CASD1: variants seen among roughly 807,000 people sequenced by gnomAD.
The protein encoded by CASD1 is CAS1 domain sialic acid O acetyltransferase 1.
In CASD1, 41 loss-of-function variants were observed where a neutral mutation model predicts 100.0. The ratio of observed to expected loss-of-function variants is 0.41; its 90% CI spans 0.32 to 0.53. The LOEUF is 0.53. Ranked by LOEUF, CASD1 falls within the 20% of genes least tolerant of loss-of-function variation. The pLI, the probability that CASD1 is intolerant of heterozygous loss-of-function variation, is 0.25. For missense variants in CASD1, 774 were observed against 948.7 expected (o/e 0.82, Z 2.42); for synonymous variants, 321 against 315.6 (o/e 1.02, Z -0.18).
the CASD1 span, among the ~76,000 whole-genome samples, chr7:94,602,683 T>G: frequency 1.3e-5 from 2 of 152,124 alleles, no homozygotes; most frequent in Non-Finnish European, 2.9e-5. Flanking sequence ...TGCAAACATA[T>G]GTAAAATATT....
the CASD1 span, among the ~76,000 whole-genome samples, chr7:94,609,045 T>G: frequency 6.6e-6 from 1 of 152,062 alleles, no homozygotes; most frequent in Non-Finnish European, 1.5e-5. Context: ...GCACAATCCA[T>G]GAAAGAAAGA....
chr7:94,537,362 G>C, intron 8 of CASD1, 110 bp from the exon 9 acceptor site: 1 of 930,736 alleles, frequency 1.1e-6, no homozygotes, highest in Non-Finnish European at 1.6e-6. Context: ...CAAAAGATAC[G>C]AAAGCATTCT....
chr7:94,625,371 CTTT>C, the CASD1 span: 1 of 151,262 alleles, frequency 6.6e-6, no homozygotes, highest in African/African-American at 2.4e-5. Flanking sequence ...TTTTTTTTAT[CTTT>C]TTACTATATT....
chr7:94,601,638 A>G, the CASD1 span, among the ~76,000 whole-genome samples: 2 of 152,102 alleles, frequency 1.3e-5, no homozygotes, highest in African/African-American at 4.8e-5. Context: ...GGGGAGAATT[A>G]GTTGCAGCAT....
chr7:94,600,799 A>G, the CASD1 span: 38 of 1,613,280 alleles, frequency 2.4e-5, no homozygotes, highest in Non-Finnish European at 1.0e-5. Flanking sequence ...ACCATCAGGT[A>G]AAATCCCCTC....
chr7:94,538,976 T>C lies in CASD1; in HGVS notation c.1276T>C (p.Leu426=). ...TGGTTCCTTTACACAGACTAAAGTA[T>C]TAAATAGAGAACAAACAGACGAATG... is the stretch of plus-strand genomic sequence containing the variant. ...YNENTKETKV[L]NREQTDEWKG... The change falls in exon 10 of 18, where the codon TTA becomes CTA. Residue 426 remains leucine, a synonymous_variant. Coordinates refer to ENST00000297273, the MANE Select transcript of CASD1 (RefSeq NM_022900.5). 6.3e-7 allele frequency: 1 copy of C among 1,595,542 alleles called. No homozygotes were observed. The highest frequency in any genetic ancestry group is 1.1e-5 in the South Asian group (1 of 90,332).
intron 1 of CASD1, among the ~76,000 whole-genome samples, chr7:94,512,937 G>A (rs1351992775): frequency 6.6e-6 from 1 of 152,204 alleles, no homozygotes; most frequent in African/African-American, 2.4e-5. Context: ...TCTGTCTCAT[G>A]CCTTATGTTA....
chr7:94,541,038 A>T (rs1325132134), intron 10 of CASD1, among the ~76,000 whole-genome samples: 1 of 152,066 alleles, frequency 6.6e-6, no homozygotes, highest in Non-Finnish European at 1.5e-5. Flanking sequence ...CTGCATCCTA[A>T]TATATTCTAA....
Position 94,555,589 on chromosome 7 carries a change from C to T in CASD1, c.2225C>T (p.Thr742Ile). Residue 742 changes from threonine (T) to isoleucine (I), a missense_variant, in exon 18 of 18, where the codon ACT becomes ATT. Thr to Ile is a moderately conservative substitution (Grantham distance 89). Coordinates refer to ENST00000297273, the MANE Select transcript of CASD1 (RefSeq NM_022900.5). ...CCTATGCTCAACATCATTGTCAGCACTTTCATATTTGTTTGTGTGGCACAT... is the reference window on the plus strand; with the variant it reads ...CCTATGCTCAACATCATTGTCAGCATTTTCATATTTGTTTGTGTGGCACAT... ...GNPMLNIIVS[T>I]FIFVCVAHEI... 1.2e-6 allele frequency: 2 copies of T among 1,613,554 alleles called. No individual in the cohort carries two copies. The highest frequency in any genetic ancestry group is 8.5e-7 in the Non-Finnish European group (1 of 1,179,670).
the CASD1 span, among the ~76,000 whole-genome samples, chr7:94,563,061 A>G: frequency 6.6e-6 from 1 of 152,152 alleles, no homozygotes; most frequent in African/African-American, 2.4e-5. Flanking sequence ...TCTTACATAC[A>G]AAGGCCTTTG....
At chr7:94,587,780 C>G in the CASD1 span, 1 of 1,547,580 alleles carries the variant, frequency 6.5e-7, no homozygotes. Flanking sequence ...ATACTTGCCT[C>G]AAATCTTTGA....
intron 8 of CASD1, among the ~76,000 whole-genome samples, chr7:94,536,127 C>T (rs1795106862): frequency 6.6e-6 from 1 of 152,094 alleles, no homozygotes; most frequent in East Asian, 1.9e-4. Flanking sequence ...CTTGTAATCC[C>T]AGCTACTCGG....
the CASD1 span, chr7:94,600,983 A>T: frequency 1.3e-6 from 1 of 788,892 alleles, no homozygotes; most frequent in South Asian, 1.5e-5. Flanking sequence ...CAATTACTTT[A>T]TCACCTCTTG....
the CASD1 span, among the ~76,000 whole-genome samples, chr7:94,569,889 C>G: frequency 6.6e-6 from 1 of 151,056 alleles, no homozygotes; most frequent in African/African-American, 2.4e-5. Flanking sequence ...TCTCGGCTCA[C>G]TGCAAGCTCT....
chr7:94,518,930 T>C (rs932675331), intron 3 of CASD1, among the ~76,000 whole-genome samples: 1 of 152,128 alleles, frequency 6.6e-6, no homozygotes, highest in Non-Finnish European at 1.5e-5. Flanking sequence ...TTTTAAATTA[T>C]TTCCTTAGGG....
chr7:94,627,917 T>TA, the CASD1 span: 607 of 356,978 alleles, frequency 1.7e-3, 3 homozygotes, highest in African/African-American at 0.012. Flanking sequence ...AGTCTACAAT[T>TA]ATTTTCTCAA....
downstream of CASD1, among the ~76,000 whole-genome samples, chr7:94,561,286 T>C (rs1305239699): frequency 1.3e-5 from 2 of 152,154 alleles, no homozygotes; most frequent in African/African-American, 4.8e-5. Flanking sequence ...AGAGCTCTTA[T>C]AGTTTAGAAA....
intron 9 of CASD1, among the ~76,000 whole-genome samples, chr7:94,538,717 G>T (rs1416872683): frequency 6.6e-6 from 1 of 151,598 alleles, no homozygotes; most frequent in Admixed American, 6.6e-5. Context: ...CAAAACCAAG[G>T]GGATCAACTT....
chr7:94,563,403 T>C, the CASD1 span, among the ~76,000 whole-genome samples: 1 of 152,292 alleles, frequency 6.6e-6, no homozygotes, highest in African/African-American at 2.4e-5. Context: ...GTTTGGTCAA[T>C]TAGAGAATGA....
Sources: allele counts gnomAD v4.1 joint callset (sites outside exome capture counted in the v4.1 genomes callset), GRCh38; gene constraint gnomAD v4.1.1; transcripts MANE v1.5; gene names NCBI Gene and HGNC (gene_info 2026-07-23, HGNC 2026-07-21).